FHIT: variants seen among roughly 807,000 people sequenced by gnomAD.
FHIT encodes the protein bis(5'-adenosyl)-triphosphatase.
A neutral mutation model predicts 17.9 loss-of-function variants in FHIT; 19 were observed. The ratio of observed to expected loss-of-function variants is 1.06; its 90% confidence interval spans 0.74 to 1.56. The LOEUF (loss-of-function observed/expected upper bound fraction) is 1.56, where lower values mean the gene tolerates loss of function less well. Ranked by LOEUF, FHIT falls within the 40% of genes most tolerant of loss-of-function variation. The probability of loss-of-function intolerance (pLI) is 0.00; values close to 1 mark genes in which losing one functional copy is unlikely to be tolerated. For missense variants in FHIT, 248 were observed against 189.2 expected, an observed-to-expected ratio of 1.31 and a Z score of -1.82; for synonymous variants, 81 against 69.7, an observed-to-expected ratio of 1.16 and a Z score of -0.81.
chr3:60,181,462 C>G (rs1373891924), intron 5 of FHIT, among the ~76,000 whole-genome samples: 1 of 152,056 alleles, frequency 6.6e-6, no homozygotes, highest in Non-Finnish European at 1.5e-5. Flanking sequence ...TACAGATTAT[C>G]CTCATTTTAC....
intron 8 of FHIT, among the ~76,000 whole-genome samples, chr3:59,857,981 C>G (rs1363234282): frequency 6.6e-6 from 1 of 152,070 alleles, no homozygotes; most frequent in Non-Finnish European, 1.5e-5. Flanking sequence ...TCCAGTTCCC[C>G]TAATTGGAGT....
intron 5 of FHIT, among the ~76,000 whole-genome samples, chr3:60,377,464 CTT>C (rs1196507429): frequency 0.034 from 1,701 of 49,742 alleles, 64 homozygotes; most frequent in African/African-American, 0.13. Flanking sequence ...GCCAAGAATT[CTT>C]TTTTTTTTTT....
chr3:59,951,857 G>C (rs962824435), intron 7 of FHIT, among the ~76,000 whole-genome samples: 14 of 152,176 alleles, frequency 9.2e-5, no homozygotes, highest in African/African-American at 3.1e-4. Context: ...TGAGAAATGG[G>C]ATTGGTCTTC....
intron 5 of FHIT, among the ~76,000 whole-genome samples, chr3:60,324,975 ATTTCTGAAGG>A (rs1373959550): frequency 1.3e-5 from 2 of 152,064 alleles, no homozygotes; most frequent in Non-Finnish European, 2.9e-5. Flanking sequence ...CATTCTAGAT[ATTTCTGAAGG>A]TTTCTGAAGG....
chr3:60,089,180 A>C (rs1040335), intron 5 of FHIT, among the ~76,000 whole-genome samples: 1 of 152,162 alleles, frequency 6.6e-6, no homozygotes. Context: ...CACTCCAAGC[A>C]CACTTCTTAT....
Position 60,120,228 on chromosome 3 carries a change from A to G in FHIT, c.104-106076T>C, listed in dbSNP as rs533261286. 1.2e-4 allele frequency among the ~76,000 whole-genome samples: 18 copies of G among 152,316 alleles called. No individual in the cohort carries two copies. In the South Asian group the frequency reaches 3.5e-3, roughly 30 times the overall value. ...TGTCTGTCCACCCAACTGGACAGTA[A>G]ACTCTCTGGCAGCAGAAACTGGGCC... On this transcript the variant is annotated intron_variant, in intron 5 of 9. Transcript: ENST00000492590.
At chr3:60,560,959 A>T (rs2036921774) in intron 4 of FHIT, among the ~76,000 whole-genome samples, 1 of 151,922 alleles carries the variant, frequency 6.6e-6, no homozygotes, top group African/African-American at 2.4e-5. Context: ...AAAGAATAAG[A>T]TAATATTTTC....
chr3:60,575,384 T>C (rs2037531240), intron 4 of FHIT, among the ~76,000 whole-genome samples: 1 of 152,182 alleles, frequency 6.6e-6, no homozygotes, highest in Admixed American at 6.5e-5. Context: ...TCCATTTTTT[T>C]CTTTTGTCTA....
chr3:60,729,551 T>G (rs1338434914), intron 4 of FHIT, among the ~76,000 whole-genome samples: 3 of 152,170 alleles, frequency 2.0e-5, no homozygotes, highest in African/African-American at 7.2e-5. Context: ...GCCAGAGAGC[T>G]CTGCCATGAG....
intron 2 of FHIT, among the ~76,000 whole-genome samples, chr3:61,053,047 G>A (rs2034083348): frequency 6.6e-6 from 1 of 152,096 alleles, no homozygotes; most frequent in African/African-American, 2.4e-5. Context: ...TCCTTACCAA[G>A]GGAACAATGA....
At chr3:60,476,652 G>T (rs897960270) in intron 5 of FHIT, among the ~76,000 whole-genome samples, 1 of 152,136 alleles carries the variant, frequency 6.6e-6, no homozygotes, top group African/African-American at 2.4e-5. Flanking sequence ...AATGCTGAAG[G>T]CATGGTCAAA....
chr3:60,547,688 C>T (rs926103453), intron 4 of FHIT, among the ~76,000 whole-genome samples: 1 of 152,128 alleles, frequency 6.6e-6, no homozygotes, highest in Non-Finnish European at 1.5e-5. Context: ...TTCTCGCCAG[C>T]TGGTAGCATA....
chr3:60,028,311 C>T (rs9843907), intron 5 of FHIT, among the ~76,000 whole-genome samples: 38,026 of 152,140 alleles, frequency 0.25, 4,937 homozygotes, highest in East Asian at 0.46. Flanking sequence ...CCCAACAACA[C>T]GGTTTAAATT....
chr3:60,531,712 G>A lies in FHIT; in HGVS notation c.103+5148C>T, dbSNP rs796289104. Among the ~76,000 whole-genome samples, 10 of 152,278 alleles carry A rather than the reference G, an allele frequency of 6.6e-5. 1 individual carries two copies. The highest frequency in any genetic ancestry group is 2.2e-4 in the African/African-American group (9 of 41,562). On this transcript the variant is annotated intron_variant, in intron 5 of 9. Transcript: ENST00000492590. ...ATTTTTATGGAAGGACTAAAAGGGC[G>A]CTTTTATGTATAGCATCTATTCTGT...
intron 4 of FHIT, among the ~76,000 whole-genome samples, chr3:60,666,864 C>CTTT (rs71092626): frequency 4.1e-5 from 5 of 122,176 alleles, no homozygotes; most frequent in East Asian, 2.2e-4. Context: ...CTTTTCTTTT[C>CTTT]TTTTTTTTTT....
At chr3:60,717,136 C>T (rs2041702959) in intron 4 of FHIT, among the ~76,000 whole-genome samples, 1 of 151,958 alleles carries the variant, frequency 6.6e-6, no homozygotes, top group Admixed American at 6.6e-5. Context: ...TTGCCAGGGG[C>T]TGTGGTGTGG....
At chr3:60,177,811 A>G (rs1180323374) in intron 5 of FHIT, among the ~76,000 whole-genome samples, 1 of 152,208 alleles carries the variant, frequency 6.6e-6, no homozygotes, top group African/African-American at 2.4e-5. Context: ...GATTCCCACT[A>G]AAATACTGTC....
At chr3:60,162,503 G>A (rs1293510765) in intron 5 of FHIT, among the ~76,000 whole-genome samples, 2 of 152,154 alleles carry the variant, frequency 1.3e-5, no homozygotes, top group African/African-American at 2.4e-5. Context: ...TAGAAAACAG[G>A]TTGACCATGG....
intron 8 of FHIT, among the ~76,000 whole-genome samples, chr3:59,900,620 T>A (rs750208544): frequency 2.0e-4 from 30 of 150,754 alleles, no homozygotes; most frequent in Non-Finnish European, 4.1e-4. Flanking sequence ...TTGGTTGTTG[T>A]TTGTTTTTTT....
Sources: gnomAD v4.1 joint callset for allele counts (sites outside exome capture counted in the v4.1 genomes callset) on GRCh38, gnomAD v4.1.1 for gene constraint, MANE v1.5 for transcripts, NCBI Gene and HGNC (gene_info 2026-07-23, HGNC 2026-07-21) for gene names.